The following METTL15 variants were observed in gnomAD, a reference collection of about 807,000 sequenced individuals.
The protein encoded by METTL15 is methyltransferase 15, mitochondrial 12S rRNA N4-cytidine.
In METTL15, 34 loss-of-function variants were observed where a neutral mutation model predicts 38.3. The ratio of observed to expected loss-of-function variants is 0.89; its 90% CI spans 0.68 to 1.18. METTL15 has a LOEUF of 1.18. Ranked by LOEUF, METTL15 falls within the 50% of genes most tolerant of loss-of-function variation. METTL15 has a pLI of 0.00. For synonymous variants in METTL15, 162 were observed against 170.9 expected, an observed-to-expected ratio of 0.95 and a Z score of 0.41; for missense variants, 438 against 498.4, an observed-to-expected ratio of 0.88 and a Z score of 1.15.
intron 4 of METTL15, among the ~76,000 whole-genome samples, chr11:28,358,421 G>A (rs145168795): frequency 0.011 from 1,628 of 152,224 alleles, 20 homozygotes; most frequent in Middle Eastern, 0.034. Context: ...AATACACCAC[G>A]TTTGTAACTT....
chr11:28,528,673 C>T (rs112759587), downstream of METTL15, among the ~76,000 whole-genome samples: 25 of 152,318 alleles, frequency 1.6e-4, no homozygotes, highest in South Asian at 4.1e-4. Context: ...CTGATAATTA[C>T]TTTGCCACGA....
intron 3 of METTL15, among the ~76,000 whole-genome samples, chr11:28,206,507 G>A (rs1378699986): frequency 1.3e-5 from 2 of 151,972 alleles, no homozygotes; most frequent in Non-Finnish European, 2.9e-5. Flanking sequence ...TTTGGTTACT[G>A]TAGCCTTGTA....
At chr11:28,273,994 G>T (rs145250333) in intron 4 of METTL15, among the ~76,000 whole-genome samples, 2 of 151,966 alleles carry the variant, frequency 1.3e-5, no homozygotes, top group Non-Finnish European at 2.9e-5. Context: ...AGATTATTTC[G>T]TACTAATATA....
chr11:28,375,499 G>T (rs998880795), intron 5 of METTL15, among the ~76,000 whole-genome samples: 1 of 151,714 alleles, frequency 6.6e-6, no homozygotes, highest in African/African-American at 2.4e-5. Context: ...ATTTCTGTGG[G>T]ATCGGTGGTA....
chr11:28,507,185 A>G (rs2582913), intron 6 of METTL15, among the ~76,000 whole-genome samples: 152,234 of 152,320 alleles, frequency 1, 76,074 homozygotes, highest in Non-Finnish European at 1. Context: ...AGCTACCTGA[A>G]GCCTAATTGA....
At chr11:28,319,276 T>G (rs929929585) in intron 6 of METTL15, among the ~76,000 whole-genome samples, 16 of 152,186 alleles carry the variant, frequency 1.1e-4, no homozygotes, top group Admixed American at 9.8e-4. Context: ...GAAATCACTC[T>G]AAGCCATGTG....
At chr11:28,328,294 A>G in intron 6 of METTL15, 1 of 782,310 alleles carries the variant, frequency 1.3e-6, no homozygotes, top group South Asian at 2.2e-5. Context: ...TTTATAGAGG[A>G]AAGAACCATC....
rs193179488 is a variant in METTL15 at position 28,467,875 on chromosome 11, G to T, written c.*424+43511G>T. 9.6e-3 allele frequency among the ~76,000 whole-genome samples: 1,454 copies of T among 152,250 alleles called. 74 individuals carry two copies. The highest frequency in any genetic ancestry group is 0.085 in the Admixed American group (1,300 of 15,274). On this transcript the variant is annotated intron_variant and NMD_transcript_variant, in intron 6 of 7. Coordinates refer to the METTL15 transcript ENST00000532947. ...GAGATATTTTAGTAGCATGGCCAAG[G>T]AGGAGAAGGAAACAGAGATATGAAT...
At chr11:28,501,080 G>C (rs1046699461) in intron 6 of METTL15, among the ~76,000 whole-genome samples, 2 of 152,104 alleles carry the variant, frequency 1.3e-5, no homozygotes, top group African/African-American at 4.8e-5. Context: ...TATATTGAGA[G>C]CCTTGGCTGG....
intron 6 of METTL15, among the ~76,000 whole-genome samples, chr11:28,446,844 C>T (rs1196899509): frequency 2.6e-5 from 4 of 152,044 alleles, no homozygotes; most frequent in African/African-American, 9.7e-5. Context: ...TAATCACATT[C>T]CCCAAACTGA....
chr11:28,518,185 G>T (rs1262463642), intron 6 of METTL15, among the ~76,000 whole-genome samples: 1 of 152,100 alleles, frequency 6.6e-6, no homozygotes, highest in Admixed American at 6.6e-5. Flanking sequence ...AAAGCATAAA[G>T]AAATTATCTA....
rs1236032071 is a variant in METTL15, at chr11:28,290,229, G to A, written c.431G>A (p.Gly144Asp). 1 of 1,612,100 alleles carries A rather than the reference G, an allele frequency of 6.2e-7. No homozygotes were observed. Among genetic ancestry groups the A allele is most frequent in the East Asian group, 2.2e-5 (1 of 44,830 alleles). The change falls in exon 5 of 7, where the codon GGC (glycine) becomes GAC (aspartate). Residue 144 changes from glycine to aspartate, a missense_variant. Gly to Asp is a moderately conservative substitution (Grantham distance 94). Transcript: ENST00000407364. ...LYPKQIRAML[G>D]QFSQAEALLM... Reference sequence around the variant, plus strand: ...AGTAAACAAATCCGAGCTATGCTGGGCCAGTTCAGCCAGGCAGAAGCCTTA... The same window carrying A: ...AGTAAACAAATCCGAGCTATGCTGGACCAGTTCAGCCAGGCAGAAGCCTTA...
chr11:28,194,241 C>T (rs551231715), intron 3 of METTL15, among the ~76,000 whole-genome samples: 1 of 149,616 alleles, frequency 6.7e-6, no homozygotes, highest in South Asian at 2.1e-4. Flanking sequence ...TCTTGTTGCC[C>T]ATGCTGAAGT....
chr11:28,427,986 T>C (rs190609128), intron 6 of METTL15, among the ~76,000 whole-genome samples: 4 of 152,316 alleles, frequency 2.6e-5, no homozygotes, highest in South Asian at 2.1e-4. Context: ...AGCATCCTTG[T>C]TTTGTGCTGG....
At chr11:28,162,141 G>A (rs1039951372) in intron 3 of METTL15, among the ~76,000 whole-genome samples, 76 of 152,088 alleles carry the variant, frequency 5.0e-4, no homozygotes, top group African/African-American at 1.7e-3. Context: ...ACACCAAGAC[G>A]TTGCCATAGT....
chr11:28,121,466 A>C (rs929611158), intron 3 of METTL15, among the ~76,000 whole-genome samples: 8 of 152,152 alleles, frequency 5.3e-5, no homozygotes, highest in African/African-American at 1.7e-4. Context: ...AGAAAGAAGA[A>C]ATTTTGACAC....
At chr11:28,173,832 T>C (rs1279074179) in intron 3 of METTL15, among the ~76,000 whole-genome samples, 1 of 152,244 alleles carries the variant, frequency 6.6e-6, no homozygotes, top group East Asian at 1.9e-4. Flanking sequence ...ATCAGGTATT[T>C]TGTAGAATGC....
At chr11:28,194,591 A>G (rs145884005) in intron 3 of METTL15, among the ~76,000 whole-genome samples, 62 of 152,216 alleles carry the variant, frequency 4.1e-4, no homozygotes, top group African/African-American at 1.5e-3. Flanking sequence ...TTCATAGAAG[A>G]CAAATACATT....
intron 6 of METTL15, among the ~76,000 whole-genome samples, chr11:28,458,946 T>A (rs1356557426): frequency 6.6e-6 from 1 of 152,234 alleles, no homozygotes. Context: ...AAGACTGTGA[T>A]CTTTTTAATC....
Sources: gnomAD v4.1 joint callset for allele counts (sites outside exome capture counted in the v4.1 genomes callset) on GRCh38, gnomAD v4.1.1 for gene constraint, MANE v1.5 for transcripts, NCBI Gene and HGNC (gene_info 2026-07-23, HGNC 2026-07-21) for gene names.